The following ZFAND3 variants were observed in gnomAD, a reference collection of about 807,000 sequenced individuals.
ZFAND3 encodes AN1-type zinc finger protein 3.
ZFAND3 carries 10 observed loss-of-function variants against 29.6 expected under a neutral mutation model. That is an observed-to-expected ratio of 0.34 (90% CI 0.21 to 0.57). The LOEUF (loss-of-function observed/expected upper bound fraction) is 0.57. Among genes scored for constraint, ZFAND3 ranks in the 20% least tolerant of loss-of-function variants. The pLI, the probability that ZFAND3 is intolerant of heterozygous loss-of-function variation, is 0.86. For missense variants in ZFAND3, 230 were observed against 304.5 expected, an observed-to-expected ratio of 0.76 and a Z score of 1.82; for synonymous variants, 128 against 112.6, an observed-to-expected ratio of 1.14 and a Z score of -0.87.
At chr6:38,108,475 C>T (rs147483439) in intron 4 of ZFAND3, among the ~76,000 whole-genome samples, 1 of 152,300 alleles carries the variant, frequency 6.6e-6, no homozygotes, top group Non-Finnish European at 1.5e-5. Flanking sequence ...ACGCTTTAGC[C>T]TGCAGCCGAG....
chr6:38,084,131 A>G (rs1412876547), intron 4 of ZFAND3, among the ~76,000 whole-genome samples: 1 of 152,166 alleles, frequency 6.6e-6, no homozygotes, highest in African/African-American at 2.4e-5. Flanking sequence ...GTTTTCCCCT[A>G]TATCATGCTA....
At chr6:37,841,345 T>A (rs1764070035) in intron 1 of ZFAND3, among the ~76,000 whole-genome samples, 1 of 150,942 alleles carries the variant, frequency 6.6e-6, no homozygotes, top group African/African-American at 2.4e-5. Context: ...TTTGCTTTAT[T>A]TGCTTTCCAT....
chr6:37,827,937 A>G (rs1280699883), intron 1 of ZFAND3, among the ~76,000 whole-genome samples: 2 of 152,242 alleles, frequency 1.3e-5, no homozygotes, highest in African/African-American at 4.8e-5. Flanking sequence ...GATAAGCTCT[A>G]GTTAGCTTTA....
At chr6:37,892,965 T>TA (rs1236453291) in intron 1 of ZFAND3, among the ~76,000 whole-genome samples, 2 of 152,154 alleles carry the variant, frequency 1.3e-5, no homozygotes, top group Non-Finnish European at 2.9e-5. Flanking sequence ...ATTAAAAAGC[T>TA]ACCTCTTAAG....
intron 1 of ZFAND3, among the ~76,000 whole-genome samples, chr6:37,869,131 A>G (rs1039071112): frequency 1.3e-5 from 2 of 152,126 alleles, no homozygotes; most frequent in African/African-American, 4.8e-5. Context: ...TTCATTTAAT[A>G]ATATATGTAT....
At chr6:37,837,608 G>A (rs1763993127) in intron 1 of ZFAND3, among the ~76,000 whole-genome samples, 1 of 151,666 alleles carries the variant, frequency 6.6e-6, no homozygotes. Context: ...AGGTTGAAGC[G>A]ATTCTCCTGC....
At chr6:37,855,812 A>C (rs1257304628) in intron 1 of ZFAND3, among the ~76,000 whole-genome samples, 1 of 152,180 alleles carries the variant, frequency 6.6e-6, no homozygotes, top group Non-Finnish European at 1.5e-5. Flanking sequence ...TCAGTCTTTA[A>C]GGATTAACTA....
intron 1 of ZFAND3, among the ~76,000 whole-genome samples, chr6:37,893,434 A>G (rs1765139616): frequency 6.6e-6 from 1 of 152,236 alleles, no homozygotes; most frequent in Non-Finnish European, 1.5e-5. Context: ...CCTCAATCTG[A>G]TAAAAGGCTT....
chr6:37,908,542 T>TAAAAAAAA (rs70981504), intron 1 of ZFAND3, among the ~76,000 whole-genome samples: 19 of 124,092 alleles, frequency 1.5e-4, no homozygotes, highest in Admixed American at 2.7e-4. Context: ...AAAAAAAAAT[T>TAAAAAAAA]AAAAAAAAAA....
At chr6:38,037,555 T>C (rs1763683056) in intron 2 of ZFAND3, among the ~76,000 whole-genome samples, 1 of 152,192 alleles carries the variant, frequency 6.6e-6, no homozygotes, top group South Asian at 2.1e-4. Flanking sequence ...ATTTAATTGA[T>C]TGAAAAGCAT....
intron 2 of ZFAND3, among the ~76,000 whole-genome samples, chr6:38,000,142 T>C (rs1025729660): frequency 6.6e-6 from 1 of 152,270 alleles, no homozygotes; most frequent in African/African-American, 2.4e-5. Context: ...AAAAGCAAAT[T>C]CAGATACCAA....
intron 1 of ZFAND3, among the ~76,000 whole-genome samples, chr6:37,888,140 A>C (rs1185376541): frequency 6.6e-6 from 1 of 151,244 alleles, no homozygotes; most frequent in Admixed American, 6.6e-5. Flanking sequence ...TACAGCTATA[A>C]ATTTTTTTAT....
chr6:37,827,109 T>C (rs1410059568), intron 1 of ZFAND3, among the ~76,000 whole-genome samples: 1 of 152,234 alleles, frequency 6.6e-6, no homozygotes, highest in East Asian at 1.9e-4. Flanking sequence ...CTAATTTAGC[T>C]CTAAATTTCT....
intron 4 of ZFAND3, among the ~76,000 whole-genome samples, chr6:38,113,804 G>C (rs1271684822): frequency 6.6e-6 from 1 of 151,920 alleles, no homozygotes; most frequent in Non-Finnish European, 1.5e-5. Flanking sequence ...TTTTTCCCCC[G>C]GCTTCATTGA....
In ZFAND3 at chr6:38,145,378, ATGT is replaced by A. The variant is rs376356320; in HGVS notation, c.530-6852_530-6850del. Among the ~76,000 whole-genome samples, 490 of 152,250 alleles carry A rather than the reference ATGT, an allele frequency of 3.2e-3. 1 individual carries two copies. The highest frequency in any genetic ancestry group is 0.011 in the African/African-American group (462 of 41,538). On this transcript the variant is annotated intron_variant, in intron 5 of 5. Transcript: ENST00000287218. ...TGATTTTTGTATATAAGTGAGTGAGATGTTGTTACAATTTTCACAGCACTTAGA... is the reference window on the plus strand; with the variant it reads ...TGATTTTTGTATATAAGTGAGTGAGATGTTACAATTTTCACAGCACTTAGA...
chr6:37,999,847 G>A (rs984857236), intron 2 of ZFAND3, among the ~76,000 whole-genome samples: 1 of 152,162 alleles, frequency 6.6e-6, no homozygotes, highest in African/African-American at 2.4e-5. Flanking sequence ...TTAGTTAATA[G>A]GGTGTCAATA....
intron 1 of ZFAND3, among the ~76,000 whole-genome samples, chr6:37,824,018 C>T (rs1268979712): frequency 6.6e-6 from 1 of 152,180 alleles, no homozygotes; most frequent in Admixed American, 6.5e-5. Flanking sequence ...TCAGGTGATC[C>T]TCCCGCCTCG....
chr6:37,918,951 CTTT>C (rs66941014), intron 1 of ZFAND3, among the ~76,000 whole-genome samples: 32,808 of 104,460 alleles, frequency 0.31, 3,611 homozygotes, highest in Non-Finnish European at 0.36. Context: ...TGAAAAATGC[CTTT>C]TTTTTTTTTT....
chr6:37,897,804 C>T (rs1765246319), intron 1 of ZFAND3, among the ~76,000 whole-genome samples: 1 of 152,104 alleles, frequency 6.6e-6, no homozygotes, highest in South Asian at 2.1e-4. Context: ...CTGTTCAAGT[C>T]TTTTGTCCAA....
Sources: gnomAD v4.1 joint callset for allele counts (sites outside exome capture counted in the v4.1 genomes callset) on GRCh38, gnomAD v4.1.1 for gene constraint, MANE v1.5 for transcripts, NCBI Gene and HGNC (gene_info 2026-07-23, HGNC 2026-07-21) for gene names.